The following HACL1 variants were observed in gnomAD, a reference collection of about 807,000 sequenced individuals.
The protein encoded by HACL1 is 2-hydroxyacyl-CoA lyase 1, also known as 1600020H07Rik.
In HACL1, 64 loss-of-function variants were observed where a neutral mutation model predicts 74.2. The ratio of observed to expected loss-of-function variants is 0.86; its 90% CI spans 0.70 to 1.06. The LOEUF is 1.06. HACL1 is among the 50% of genes least tolerant of loss of function. HACL1 has a pLI of 0.00. For missense variants in HACL1, 728 were observed against 719.7 expected (o/e 1.01, Z -0.13); for synonymous variants, 230 against 238.8 (o/e 0.96, Z 0.34).
Position 15,596,341 on chromosome 3 carries a change from C to A in HACL1, c.227+43G>T, listed in dbSNP as rs756275552. The A allele has an allele frequency of 3.6e-5, 38 of 1,068,716 alleles. 1 individual carries two copies. Among genetic ancestry groups the A allele is most frequent in the Non-Finnish European group, 5.1e-5 (35 of 682,778 alleles). The allele number at this position is 1,068,716 out of a possible 1,614,324, so 66.2% of individuals were successfully genotyped here. A position where few individuals can be genotyped will look rare whatever the true frequency, so the allele number is the denominator to read the frequency against. On this transcript the variant is annotated intron_variant, in intron 3 of 16. Transcript: ENST00000321169. ...AGCTGAAAGACGTAATAGTTCTACCCCAAAATATTAAAGTAATTGAAGTGA... is the reference window on the plus strand; with the variant it reads ...AGCTGAAAGACGTAATAGTTCTACCACAAAATATTAAAGTAATTGAAGTGA...
chr3:15,584,157 T>A (rs1016550300), intron 7 of HACL1, among the ~76,000 whole-genome samples: 2 of 152,102 alleles, frequency 1.3e-5, no homozygotes, highest in African/African-American at 4.8e-5. Flanking sequence ...AAAAGGACAA[T>A]CTGTATAAAA....
chr3:15,564,853 G>A (rs1262275515), intron 14 of HACL1, among the ~76,000 whole-genome samples, 195 bp from the exon 15 acceptor site: 1 of 152,164 alleles, frequency 6.6e-6, no homozygotes, highest in Non-Finnish European at 1.5e-5. Context: ...TGGAAAGGCA[G>A]AAAGAATGCA....
intron 12 of HACL1, among the ~76,000 whole-genome samples, chr3:15,570,579 A>G (rs1239413994): frequency 6.7e-6 from 1 of 149,174 alleles, no homozygotes; most frequent in Non-Finnish European, 1.5e-5. Context: ...TGAATACACA[A>G]AACAATAAAA....
intron 12 of HACL1, among the ~76,000 whole-genome samples, chr3:15,570,113 G>A (rs2063500971): frequency 6.6e-6 from 1 of 152,084 alleles, no homozygotes; most frequent in African/African-American, 2.4e-5. Flanking sequence ...AAGGCGGGCG[G>A]ATCACGAGGT....
At chr3:15,592,129 C>T (rs1478510910) in intron 3 of HACL1, among the ~76,000 whole-genome samples, 3 of 147,464 alleles carry the variant, frequency 2.0e-5, no homozygotes, top group African/African-American at 7.5e-5. Context: ...TATACGTATA[C>T]ATACGTGTAT....
chr3:15,574,974 T>C lies in HACL1; in HGVS notation c.909+3A>G, dbSNP rs1287922283. ...TGATTTTAAGTTCCTCCTCTCTAAGTACCTGGATAAACTTCACATCTGGCT... is the reference window on the plus strand; with the variant it reads ...TGATTTTAAGTTCCTCCTCTCTAAGCACCTGGATAAACTTCACATCTGGCT... On this transcript the variant is annotated splice_donor_region_variant and intron_variant, in intron 10 of 16. Coordinates refer to ENST00000321169, the MANE Select transcript of HACL1 (RefSeq NM_012260.4). 1.5e-6 allele frequency: 2 copies of C among 1,368,928 alleles called. No homozygotes were observed. The highest frequency in any genetic ancestry group is 1.0e-6 in the Non-Finnish European group (1 of 959,030). 84.8% of individuals were successfully genotyped at this position (1,368,928 alleles called of 1,614,324 possible). A position where few individuals can be genotyped will look rare whatever the true frequency, so the allele number is the denominator to read the frequency against.
In HACL1 at chr3:15,560,846, C is replaced by G; in HGVS notation, c.*19G>C. ...TTGCAAGAAAGAGAAAACTCAAGAC[C>G]ACCAACTGGCGTCTTTATTTACATA... On this transcript the variant is annotated 3_prime_UTR_variant, in exon 17 of 17. Transcript: ENST00000321169. The G allele has an allele frequency of 3.2e-6, 5 of 1,576,324 alleles. No individual in the cohort carries two copies. The highest frequency in any genetic ancestry group is 4.3e-6 in the Non-Finnish European group (5 of 1,150,320).
chr3:15,589,281 G>C (rs561231052), intron 5 of HACL1, among the ~76,000 whole-genome samples: 4 of 152,132 alleles, frequency 2.6e-5, no homozygotes, highest in Admixed American at 6.5e-5. Flanking sequence ...TGGATCGCTT[G>C]AGCTCAAGAG....
rs143371854 is a variant in HACL1, at chr3:15,582,976, A to T, written c.568T>A (p.Cys190Ser). The stretch of plus-strand genomic sequence containing the variant: ...GCCATGCTAATAGGAGGTGACATGC[A>T]GCGTTCCATGTACCTGGAAAAAAAG... ...NVNSIKYMER[C>S]MSPPISMAET... Residue 190 changes from cysteine to serine, a missense_variant, in exon 8 of 17, where the codon TGC becomes AGC. Coordinates refer to ENST00000321169, the MANE Select transcript of HACL1 (RefSeq NM_012260.4). The T allele has an allele frequency of 6.3e-7, 1 of 1,592,492 alleles. No homozygotes were observed. Among genetic ancestry groups the T allele is most frequent in the African/African-American group, 1.3e-5 (1 of 74,356 alleles).
At chr3:15,573,079 G>C in intron 11 of HACL1, 80 bp downstream of exon 11, 1 of 807,112 alleles carries the variant, frequency 1.2e-6, no homozygotes, top group South Asian at 1.4e-5. Context: ...CCGTTACCAA[G>C]TGAATCAAGA....
chr3:15,574,162 T>G (rs1045792523), intron 10 of HACL1, among the ~76,000 whole-genome samples: 2 of 152,118 alleles, frequency 1.3e-5, no homozygotes, highest in Admixed American at 1.3e-4. Context: ...GCCAGGAGAA[T>G]TGCTGAGACC....
rs1378696096 is a variant in HACL1, at chr3:15,589,545, GA to G, written c.375del (p.Pro126LeufsTer19). ...NQETMGAFQE[F>X]PQVEACRLYT... ...AAAATCTTAAAGTTGGATACCTGAG[GA>G]AACTCCTGGAAAGCTCCCATTGTTT... is the stretch of plus-strand genomic sequence containing the variant. On this transcript the variant is annotated frameshift_variant, in exon 5 of 17. Coordinates refer to ENST00000321169, the MANE Select transcript of HACL1 (RefSeq NM_012260.4). LOFTEE classifies it high-confidence loss of function. 3 of 1,598,596 alleles carry G rather than the reference GA, an allele frequency of 1.9e-6. No homozygotes were observed. In the Admixed American group the frequency reaches 5.0e-5, roughly 27 times the overall value.
intron 7 of HACL1, among the ~76,000 whole-genome samples, chr3:15,583,956 C>G (rs2063752427): frequency 6.6e-6 from 1 of 152,088 alleles, no homozygotes; most frequent in Non-Finnish European, 1.5e-5. Flanking sequence ...CGCACCCAGC[C>G]CCACTACAGT....
At chr3:15,593,223 T>A (rs2063988705) in intron 3 of HACL1, among the ~76,000 whole-genome samples, 1 of 83,984 alleles carries the variant, frequency 1.2e-5, no homozygotes, top group Non-Finnish European at 1.9e-5. Flanking sequence ...ATATACACAC[T>A]TTTTTTTTGA....
chr3:15,601,537 T>C lies in HACL1; in HGVS notation c.-74A>G, dbSNP rs1180970348. 5.0e-6 allele frequency: 8 copies of C among 1,605,610 alleles called. No homozygotes were observed. The highest frequency in any genetic ancestry group is 2.2e-5 in the East Asian group (1 of 44,850). On this transcript the variant is annotated 5_prime_UTR_variant, in exon 1 of 17. Coordinates refer to ENST00000321169, the MANE Select transcript of HACL1 (RefSeq NM_012260.4). ...ATCATCCAGCAAGGCAAACGCGAAA[T>C]CGGCAGCACGCCACCTCTGGTACTG...
intron 2 of HACL1, chr3:15,600,784 A>G (rs1035712508): frequency 2.4e-6 from 1 of 414,162 alleles, no homozygotes; most frequent in South Asian, 3.2e-5. Flanking sequence ...CTTTACTCAT[A>G]AACTGTCCAT....
rs781243016 is a variant in HACL1 at position 15,600,068 on chromosome 3, G to GATAAAGAATGTCATTCA, written c.186+1005_186+1021dup. On this transcript the variant is annotated intron_variant, in intron 2 of 16. Coordinates refer to ENST00000321169, the MANE Select transcript of HACL1 (RefSeq NM_012260.4). ...AAAAATACAAATCTCAAACCTTGTA[G>GATAAAGAATGTCATTCA]ATAAAGAATGTCATTCAATAAAGAA... is the stretch of plus-strand genomic sequence containing the variant. 9.6e-3 allele frequency among the ~76,000 whole-genome samples: 1,451 copies of GATAAAGAATGTCATTCA among 151,838 alleles called. 20 individuals are homozygous for GATAAAGAATGTCATTCA. Among genetic ancestry groups the GATAAAGAATGTCATTCA allele is most frequent in the African/African-American group, 0.028 (1,137 of 41,156 alleles).
intron 15 of HACL1, among the ~76,000 whole-genome samples, chr3:15,563,979 A>C (rs539488577): frequency 2.0e-5 from 3 of 152,382 alleles, no homozygotes; most frequent in East Asian, 1.9e-4. Context: ...AACATGAAAA[A>C]AAAAGATTAC....
chr3:15,566,215 A>G (rs1368646401), intron 14 of HACL1, among the ~76,000 whole-genome samples: 2 of 152,220 alleles, frequency 1.3e-5, no homozygotes, highest in East Asian at 3.8e-4. Flanking sequence ...TAAGAATAGA[A>G]TGGTTTTACT....
Sources: allele counts gnomAD v4.1 joint callset (sites outside exome capture counted in the v4.1 genomes callset), GRCh38; gene constraint gnomAD v4.1.1; transcripts MANE v1.5; gene names NCBI Gene and HGNC (gene_info 2026-07-23, HGNC 2026-07-21).